The following FNDC3A variants were observed in gnomAD, a reference collection of about 807,000 sequenced individuals.
FNDC3A encodes the protein fibronectin type III domain containing 3A, also known as fibronectin type-III domain-containing protein 3A.
In FNDC3A, 32 loss-of-function variants were observed where a neutral mutation model predicts 148.9. The ratio of observed to expected loss-of-function variants is 0.21; its 90% confidence interval spans 0.16 to 0.29. The LOEUF (loss-of-function observed/expected upper bound fraction) is 0.29, where lower values mean the gene tolerates loss of function less well. Among genes scored for constraint, FNDC3A ranks in the 10% least tolerant of loss-of-function variants. The pLI, the probability that FNDC3A is intolerant of heterozygous loss-of-function variation, is 1.00. For missense variants in FNDC3A, 1,191 were observed against 1,452.8 expected, an observed-to-expected ratio of 0.82 and a Z score of 2.93; for synonymous variants, 472 against 473.6, an observed-to-expected ratio of 1.00 and a Z score of 0.04.
chr13:49,138,720 A>G (rs1882520878), intron 6 of FNDC3A, 27 bp from the exon 7 acceptor site: 3 of 1,159,822 alleles, frequency 2.6e-6, no homozygotes, highest in East Asian at 5.0e-5. Context: ...CTTTTTTTTA[A>G]ATATTCAAAT....
chr13:49,070,968 A>G (rs1877640705), intron 2 of FNDC3A, among the ~76,000 whole-genome samples: 1 of 136,474 alleles, frequency 7.3e-6, no homozygotes, highest in South Asian at 2.3e-4. Flanking sequence ...GTGCCATCGT[A>G]GCTCACTACA....
intron 1 of FNDC3A, chr13:48,976,745 G>T (rs953632573): frequency 2.0e-5 from 3 of 152,254 alleles, no homozygotes; most frequent in African/African-American, 7.2e-5. Context: ...TCGAAAACCC[G>T]CCCTCTGTTT....
chr13:49,003,262 C>T (rs961051449), intron 1 of FNDC3A, among the ~76,000 whole-genome samples: 5 of 152,052 alleles, frequency 3.3e-5, no homozygotes, highest in African/African-American at 1.2e-4. Context: ...GACAAGGTTT[C>T]ACATGTTGGC....
intron 2 of FNDC3A, among the ~76,000 whole-genome samples, chr13:49,010,593 A>G (rs1952319664): frequency 6.6e-6 from 1 of 152,234 alleles, no homozygotes; most frequent in Admixed American, 6.5e-5. Context: ...CCTGTTTTAA[A>G]TCATGAAGTA....
At chr13:49,029,226 C>A (rs768749048) in intron 2 of FNDC3A, among the ~76,000 whole-genome samples, 2 of 152,086 alleles carry the variant, frequency 1.3e-5, no homozygotes, top group Non-Finnish European at 2.9e-5. Flanking sequence ...AAAGTATTTT[C>A]TTCAAACACA....
At chr13:49,180,125 C>A in intron 14 of FNDC3A, among the ~76,000 whole-genome samples, 1 of 152,166 alleles carries the variant, frequency 6.6e-6, no homozygotes, top group East Asian at 1.9e-4. Context: ...ACCTTCAATT[C>A]TAATCCAGTG....
chr13:49,012,759 T>A (rs1449933509), intron 2 of FNDC3A, among the ~76,000 whole-genome samples: 1 of 151,558 alleles, frequency 6.6e-6, no homozygotes, highest in Admixed American at 6.6e-5. Flanking sequence ...GATTATCTTT[T>A]GTTAAATTTA....
intron 8 of FNDC3A, among the ~76,000 whole-genome samples, chr13:49,162,012 C>T (rs59693326): frequency 0.015 from 2,346 of 152,172 alleles, 59 homozygotes; most frequent in African/African-American, 0.054. Context: ...GTGGGTAACC[C>T]GACCTTTCTC....
chr13:49,159,986 T>G (rs186191669), intron 8 of FNDC3A, among the ~76,000 whole-genome samples: 2 of 152,350 alleles, frequency 1.3e-5, no homozygotes, highest in African/African-American at 4.8e-5. Flanking sequence ...TCATGGTGGA[T>G]AAGCTTTTTG....
chr13:49,149,249 TGGTGAGAGTAGGCATC>T (rs972374831), intron 8 of FNDC3A, among the ~76,000 whole-genome samples: 3 of 151,278 alleles, frequency 2.0e-5, no homozygotes, highest in African/African-American at 7.3e-5. Flanking sequence ...CATATTGGAG[TGGTGAGAGTAGGCATC>T]CTTGTCTTGT....
chr13:49,011,265 G>T lies in FNDC3A; in HGVS notation c.99+4976G>T, dbSNP rs145226326. 7.6e-3 allele frequency among the ~76,000 whole-genome samples: 1,151 copies of T among 151,016 alleles called. 19 individuals carry two copies. The highest frequency in any genetic ancestry group is 0.027 in the African/African-American group (1,093 of 41,090). On this transcript the variant is annotated intron_variant, in intron 2 of 25. Transcript: ENST00000492622. Reference sequence around the variant, plus strand: ...CTTTTTTTTTTTGAGACAGGGTCTCGCTCTGTCACCCAGGCTGGAGTGCAG... The same window carrying T: ...CTTTTTTTTTTTGAGACAGGGTCTCTCTCTGTCACCCAGGCTGGAGTGCAG...
At chr13:48,978,819 A>G (rs1593430385) in intron 1 of FNDC3A, among the ~76,000 whole-genome samples, 1 of 152,180 alleles carries the variant, frequency 6.6e-6, no homozygotes, top group South Asian at 2.1e-4. Context: ...TATGGCTCCC[A>G]TATGTGTGAA....
chr13:49,185,851 A>G, intron 14 of FNDC3A, 113 bp from the exon 15 acceptor site: 1 of 795,262 alleles, frequency 1.3e-6, no homozygotes, highest in Non-Finnish European at 2.0e-6. Flanking sequence ...CAAGCTAAAA[A>G]AAATGTATTT....
intron 3 of FNDC3A, among the ~76,000 whole-genome samples, chr13:49,108,633 C>G (rs927057763): frequency 2.6e-5 from 4 of 152,078 alleles, no homozygotes; most frequent in African/African-American, 9.7e-5. Context: ...GTTAAATAGT[C>G]AAGAAATAGA....
chr13:49,048,170 T>A (rs1029352106), intron 2 of FNDC3A, among the ~76,000 whole-genome samples: 1 of 152,212 alleles, frequency 6.6e-6, no homozygotes, highest in Non-Finnish European at 1.5e-5. Flanking sequence ...TTTATACCAG[T>A]ACCATGCTGT....
intron 2 of FNDC3A, among the ~76,000 whole-genome samples, chr13:49,039,827 G>C (rs1874787563): frequency 6.6e-6 from 1 of 152,100 alleles, no homozygotes; most frequent in Admixed American, 6.5e-5. Flanking sequence ...CGATCCTCCT[G>C]CTTCAGCCTC....
intron 8 of FNDC3A, among the ~76,000 whole-genome samples, chr13:49,161,865 C>T (rs1884148936): frequency 1.3e-5 from 2 of 152,136 alleles, no homozygotes; most frequent in African/African-American, 4.8e-5. Context: ...TTCTCCTTCA[C>T]TTATGAAGCT....
At chr13:49,006,677 C>G (rs896131275) in intron 2 of FNDC3A, among the ~76,000 whole-genome samples, 6 of 152,070 alleles carry the variant, frequency 3.9e-5, no homozygotes, top group African/African-American at 1.4e-4. Context: ...CTCCCATTCT[C>G]TTCTCCCTTC....
intron 5 of FNDC3A, among the ~76,000 whole-genome samples, chr13:49,135,300 C>T (rs1242637553): frequency 1.3e-5 from 2 of 151,934 alleles, no homozygotes; most frequent in African/African-American, 4.8e-5. Flanking sequence ...TGATTTCCTC[C>T]CTTGTTGTTT....
Sources: allele counts gnomAD v4.1 joint callset (sites outside exome capture counted in the v4.1 genomes callset), GRCh38; gene constraint gnomAD v4.1.1; transcripts MANE v1.5; gene names NCBI Gene and HGNC (gene_info 2026-07-23, HGNC 2026-07-21).